CDH4: variants seen among roughly 807,000 people sequenced by gnomAD.
CDH4 encodes cadherin-4.
In CDH4, 33 loss-of-function variants were observed where a neutral mutation model predicts 86.0. The observed-to-expected ratio is 0.38, with a 90% confidence interval of 0.29 to 0.51. The LOEUF (loss-of-function observed/expected upper bound fraction) is 0.51. Ranked by LOEUF, CDH4 falls within the 20% of genes least tolerant of loss-of-function variation. The probability of loss-of-function intolerance (pLI) is 0.86; values close to 1 mark genes in which losing one functional copy is unlikely to be tolerated. For synonymous variants in CDH4, 555 were observed against 549.4 expected, an observed-to-expected ratio of 1.01 and a Z score of -0.14; for missense variants, 1,114 against 1,307.4, an observed-to-expected ratio of 0.85 and a Z score of 2.28.
chr20:61,608,516 C>G (rs1372884673), intron 2 of CDH4, among the ~76,000 whole-genome samples: 1 of 152,240 alleles, frequency 6.6e-6, no homozygotes, highest in Non-Finnish European at 1.5e-5. Flanking sequence ...TGGTGATGGA[C>G]GATTCTGCCC....
chr20:61,752,771 C>T (rs1449800739), intron 3 of CDH4, among the ~76,000 whole-genome samples: 1 of 152,176 alleles, frequency 6.6e-6, no homozygotes, highest in Non-Finnish European at 1.5e-5. Flanking sequence ...AGGCAGGTGC[C>T]TGGCAGCAGG....
chr20:61,710,872 G>T (rs939952553), intron 2 of CDH4, among the ~76,000 whole-genome samples: 1 of 152,220 alleles, frequency 6.6e-6, no homozygotes, highest in Admixed American at 6.5e-5. Flanking sequence ...CCCTCATGAA[G>T]CGCGCCTGCC....
chr20:61,774,367 C>T (rs754977091), intron 4 of CDH4, among the ~76,000 whole-genome samples: 25 of 152,210 alleles, frequency 1.6e-4, no homozygotes, highest in Non-Finnish European at 3.2e-4. Flanking sequence ...GGCAACCTCC[C>T]GCCCACCACG....
intron 7 of CDH4, among the ~76,000 whole-genome samples, chr20:61,893,031 G>A (rs1329698674): frequency 6.8e-6 from 1 of 146,226 alleles, no homozygotes; most frequent in Admixed American, 6.8e-5. Flanking sequence ...GAGGGTGGAT[G>A]GATAGATGGA....
intron 2 of CDH4, among the ~76,000 whole-genome samples, chr20:61,503,368 C>T (rs2085718362): frequency 6.6e-6 from 1 of 152,096 alleles, no homozygotes; most frequent in South Asian, 2.1e-4. Flanking sequence ...CAAAAAAGGA[C>T]AAGGGAAAAT....
At chr20:61,888,134 C>T (rs1049488975) in intron 7 of CDH4, among the ~76,000 whole-genome samples, 2 of 152,152 alleles carry the variant, frequency 1.3e-5, no homozygotes, top group East Asian at 1.9e-4. Flanking sequence ...CCTGGGGGAG[C>T]GGGGACTGAA....
intron 2 of CDH4, among the ~76,000 whole-genome samples, chr20:61,662,044 T>A (rs904487874): frequency 4.6e-5 from 7 of 152,126 alleles, no homozygotes; most frequent in Non-Finnish European, 1.5e-5. Context: ...GAATGTCACA[T>A]CCTATCTGCC....
chr20:61,687,198 C>T (rs2087592916), intron 2 of CDH4, among the ~76,000 whole-genome samples: 1 of 152,200 alleles, frequency 6.6e-6, no homozygotes, highest in Admixed American at 6.5e-5. Context: ...GCAGAGGTGC[C>T]CTCCTCTCCC....
intron 2 of CDH4, among the ~76,000 whole-genome samples, chr20:61,452,686 G>C (rs190636331): frequency 6.6e-6 from 1 of 152,338 alleles, no homozygotes; most frequent in African/African-American, 2.4e-5. Flanking sequence ...AAAGCAAGAG[G>C]TGTGTGATTT....
chr20:61,835,230 T>G (rs1433214655), intron 4 of CDH4, among the ~76,000 whole-genome samples: 1 of 152,062 alleles, frequency 6.6e-6, no homozygotes, highest in African/African-American at 2.4e-5. Flanking sequence ...TGTTGTTGTT[T>G]TTTATTTGTT....
chr20:61,605,880 G>A (rs1293236533), intron 2 of CDH4, among the ~76,000 whole-genome samples: 1 of 127,676 alleles, frequency 7.8e-6, no homozygotes, highest in Non-Finnish European at 1.6e-5. Flanking sequence ...GGTCAAGGCT[G>A]TGGAGGAAAA....
At chr20:61,305,692 C>T (rs118139175) in intron 2 of CDH4, among the ~76,000 whole-genome samples, 18 of 152,344 alleles carry the variant, frequency 1.2e-4, no homozygotes, top group Non-Finnish European at 2.2e-4. Flanking sequence ...CAGCTCACCG[C>T]TCACGTGCAC....
chr20:61,590,886 G>T (rs1209082041), intron 2 of CDH4, among the ~76,000 whole-genome samples: 1 of 150,832 alleles, frequency 6.6e-6, no homozygotes, highest in African/African-American at 2.5e-5. Flanking sequence ...TGGGGGGGGG[G>T]GTCCCCGGGT....
At chr20:61,603,035 G>A (rs570012704) in intron 2 of CDH4, among the ~76,000 whole-genome samples, 97 of 152,338 alleles carry the variant, frequency 6.4e-4, no homozygotes, top group African/African-American at 2.0e-3. Flanking sequence ...ACCTTATACC[G>A]TGCAAGGCAC....
At chr20:61,935,655 G>A (rs2055174475) in intron 15 of CDH4, among the ~76,000 whole-genome samples, 3 of 152,208 alleles carry the variant, frequency 2.0e-5, no homozygotes, top group African/African-American at 7.2e-5. Context: ...GGAGGCCATG[G>A]CAGGTGGATC....
At chr20:61,743,531 C>A (rs1376919676) in intron 2 of CDH4, 32 bp from the exon 3 acceptor site, 3 of 1,533,136 alleles carry the variant, frequency 2.0e-6, no homozygotes, top group Admixed American at 2.0e-5. Flanking sequence ...GCTGGCCAAG[C>A]CGACCCTGAC....
chr20:61,736,652 A>AGAGAGAGAGG (rs67066230), intron 2 of CDH4, among the ~76,000 whole-genome samples: 3 of 151,198 alleles, frequency 2.0e-5, no homozygotes, highest in Admixed American at 6.6e-5. Flanking sequence ...GGAAGGAGAG[A>AGAGAGAGAGG]GAGAGAGAGG....
At chr20:61,558,904 G>A (rs1253808065) in intron 2 of CDH4, among the ~76,000 whole-genome samples, 1 of 152,244 alleles carries the variant, frequency 6.6e-6, no homozygotes, top group Non-Finnish European at 1.5e-5. Context: ...TTTGCTGCCT[G>A]CCAGCTGGCC....
In CDH4 at chr20:61,902,290, C is replaced by T. The variant is rs551891498; in HGVS notation, c.1188+7243C>T. On this transcript the variant is annotated intron_variant, in intron 8 of 15. Transcript: ENST00000614565. The surrounding 1 kb of genome is among the most constrained non-coding windows in gnomAD (Gnocchi z 4.6). The stretch of plus-strand genomic sequence containing the variant: ...CCGGGGCCTCTGAAACCAGGACCCC[C>T]GGGGCCTCCATTCCAGGAGAAGCAG... Among the ~76,000 whole-genome samples the T allele has an allele frequency of 1.4e-4, 22 of 152,340 alleles. No homozygotes were observed. Among genetic ancestry groups the T allele is most frequent in the South Asian group, 6.2e-4 (3 of 4,824 alleles).
Sources: allele counts gnomAD v4.1 joint callset (sites outside exome capture counted in the v4.1 genomes callset), GRCh38; gene constraint gnomAD v4.1.1; non-coding constraint Gnocchi (gnomAD v3.1); transcripts MANE v1.5; gene names NCBI Gene and HGNC (gene_info 2026-07-23, HGNC 2026-07-21).